QKI: variants seen among roughly 807,000 people sequenced by gnomAD.
The protein encoded by QKI is KH domain-containing RNA-binding protein QKI.
In QKI, 10 loss-of-function variants were observed where a neutral mutation model predicts 39.0. The ratio of observed to expected loss-of-function variants is 0.26; its 90% CI spans 0.16 to 0.43. QKI has a LOEUF of 0.43. Ranked by LOEUF, QKI falls within the 20% of genes least tolerant of loss-of-function variation. The pLI is 1.00. For missense variants in QKI, 218 were observed against 428.0 expected (o/e 0.51, Z 4.33); for synonymous variants, 204 against 155.4 (o/e 1.31, Z -2.33).
intron 4 of QKI, among the ~76,000 whole-genome samples, chr6:163,554,259 G>A (rs1273400041): frequency 3.9e-5 from 6 of 152,294 alleles, no homozygotes; most frequent in East Asian, 1.9e-4. Context: ...ATAGCTGAAA[G>A]GAGCGCACAT....
chr6:163,454,741 A>T (rs555175365), intron 1 of QKI, among the ~76,000 whole-genome samples: 63 of 152,276 alleles, frequency 4.1e-4, no homozygotes, highest in African/African-American at 1.5e-3. Context: ...TAACCATTAA[A>T]TTTGTATATG....
In QKI at chr6:163,486,759, CGTATG is replaced by C. The variant is rs566189792; in HGVS notation, c.402+7868_402+7872del. Among the ~76,000 whole-genome samples, 207 of 152,216 alleles carry C rather than the reference CGTATG, an allele frequency of 1.4e-3. 1 individual carries two copies. The highest frequency in any genetic ancestry group is 2.6e-3 in the Non-Finnish European group (176 of 68,014). ...CTTCATGCAGTTATGCATATGTACA[CGTATG>C]GTATATTAAGTGGATCATATTATAT... is the stretch of plus-strand genomic sequence containing the variant. On this transcript the variant is annotated intron_variant, in intron 3 of 7. Transcript: ENST00000361752.
At chr6:163,533,430 A>AG (rs2128240857) in intron 3 of QKI, among the ~76,000 whole-genome samples, 1 of 152,336 alleles carries the variant, frequency 6.6e-6, no homozygotes, top group African/African-American at 2.4e-5. Context: ...AACAGACTAT[A>AG]CATTTTATTT....
At chr6:163,516,258 C>CT (rs1779791363) in intron 3 of QKI, among the ~76,000 whole-genome samples, 1 of 151,970 alleles carries the variant, frequency 6.6e-6, no homozygotes, top group African/African-American at 2.4e-5. Flanking sequence ...ATTATGGGGC[C>CT]TTTTTTGGGA....
intron 1 of QKI, among the ~76,000 whole-genome samples, chr6:163,446,902 C>G (rs1374292277): frequency 6.6e-6 from 1 of 152,106 alleles, no homozygotes; most frequent in African/African-American, 2.4e-5. Flanking sequence ...GGAACCTAGA[C>G]CTGGAGTTCA....
At chr6:163,470,227 A>G (rs1343738760) in intron 2 of QKI, among the ~76,000 whole-genome samples, 1 of 152,134 alleles carries the variant, frequency 6.6e-6, no homozygotes, top group Non-Finnish European at 1.5e-5. Context: ...TTTGGAGTCT[A>G]TAATTTGTCT....
rs546098227 is a variant in QKI at position 163,577,958 on chromosome 6, C to T, written c.*7248C>T. On this transcript the variant is annotated 3_prime_UTR_variant, in exon 8 of 8. Coordinates refer to ENST00000361752, the MANE Select transcript of QKI (RefSeq NM_006775.3). ...TTAGAAAGCAGTTAAACTAATTGAC[C>T]ATCTAATAGTTGTACTATACATATG... The T allele has an allele frequency of 1.3e-5, 2 of 152,148 alleles. No individual in the cohort carries two copies. Among genetic ancestry groups the T allele is most frequent in the East Asian group, 1.9e-4 (1 of 5,174 alleles). The allele number at this position is 152,148 out of a possible 1,614,324, so 9.4% of individuals were successfully genotyped here.
intron 1 of QKI, among the ~76,000 whole-genome samples, chr6:163,450,954 G>C (rs548736028): frequency 7.7e-4 from 117 of 152,314 alleles, no homozygotes; most frequent in Non-Finnish European, 1.4e-3. Context: ...AGATAAAGAT[G>C]TGCCTGTATT....
intron 7 of QKI, chr6:163,569,917 T>C (rs1000317448): frequency 1.3e-5 from 13 of 987,006 alleles, no homozygotes; most frequent in Admixed American, 6.1e-5. Flanking sequence ...GATTTTACAG[T>C]GTTTACATGC....
In QKI at chr6:163,478,772, T is replaced by TTC; in HGVS notation, c.286-7_286-6insCT. On this transcript the variant is annotated splice_region_variant and splice_polypyrimidine_tract_variant and intron_variant, in intron 2 of 7. Coordinates refer to ENST00000361752, the MANE Select transcript of QKI (RefSeq NM_006775.3). ...TAATGTATAGTGATCCTTTTTTTTT[T>TTC]TTCTCAGTTTAATTTTGTTGGGAGA... The TTC allele has an allele frequency of 6.4e-7, 1 of 1,566,828 alleles. No individual in the cohort carries two copies.
At chr6:163,514,389 T>C (rs1003800178) in intron 3 of QKI, among the ~76,000 whole-genome samples, 9 of 152,154 alleles carry the variant, frequency 5.9e-5, no homozygotes, top group Non-Finnish European at 1.2e-4. Context: ...CTTAAAGATA[T>C]GTATTTTCAA....
chr6:163,575,748 G>T lies in QKI; in HGVS notation c.*5038G>T, dbSNP rs1583246042. ...ATTTTTTAGTGTGCCAAAAGCAAAC[G>T]ATAGGTTTAAATGAAATTGCTCACT... is the stretch of plus-strand genomic sequence containing the variant. On this transcript the variant is annotated 3_prime_UTR_variant, in exon 8 of 8. Transcript: ENST00000361752. 2.0e-5 allele frequency: 3 copies of T among 152,078 alleles called. No homozygotes were observed. In the East Asian group the frequency reaches 5.8e-4, roughly 29 times the overall value. The allele number at this position is 152,078 out of a possible 1,614,324, so 9.4% of individuals were successfully genotyped here.
At chr6:163,499,400 T>C (rs1228878726) in intron 3 of QKI, among the ~76,000 whole-genome samples, 4 of 152,148 alleles carry the variant, frequency 2.6e-5, no homozygotes, top group Non-Finnish European at 5.9e-5. Flanking sequence ...CATTGACTCA[T>C]CACTTTTGAG....
At position 163,478,864 on chromosome 6, in the gene QKI, C is replaced by T; in HGVS notation, c.370C>T (p.Arg124Ter). 1 of 1,612,104 alleles carries T rather than the reference C, an allele frequency of 6.2e-7. No homozygotes were observed. Among genetic ancestry groups the T allele is most frequent in the African/African-American group, 1.3e-5 (1 of 74,558 alleles). The change falls in exon 3 of 8, where the codon CGA becomes TGA. Residue 124 changes from arginine to a stop codon, truncating the protein, a stop_gained. Transcript: ENST00000361752. LOFTEE classifies it high-confidence loss of function. ...AGAAACCGGATGTAAAATCATGGTC[C>T]GAGGCAAAGGCTCAATGAGGGATAA... ...EAETGCKIMV[R>*]GKGSMRDKKK... is the part of the protein sequence containing the mutation.
At chr6:163,481,335 G>A (rs562004170) in intron 3 of QKI, among the ~76,000 whole-genome samples, 3 of 151,986 alleles carry the variant, frequency 2.0e-5, no homozygotes, top group Non-Finnish European at 2.9e-5. Context: ...AAAATGCTAC[G>A]ATGGGAATGG....
intron 3 of QKI, among the ~76,000 whole-genome samples, chr6:163,519,236 AG>A: frequency 6.6e-6 from 1 of 152,166 alleles, no homozygotes; most frequent in African/African-American, 2.4e-5. Flanking sequence ...CCTAACCTTC[AG>A]TAGCACATAG....
intron 1 of QKI, among the ~76,000 whole-genome samples, chr6:163,442,457 G>A (rs188427666): frequency 6.6e-6 from 1 of 152,294 alleles, no homozygotes; most frequent in East Asian, 1.9e-4. Flanking sequence ...ATCTCACTTG[G>A]ATTTCAGCAG....
Position 163,415,093 on chromosome 6 carries a change from G to A in QKI, c.-101G>A, listed in dbSNP as rs1447721053. 3.4e-5 allele frequency: 34 copies of A among 1,006,144 alleles called. No individual in the cohort carries two copies. Among genetic ancestry groups the A allele is most frequent in the Non-Finnish European group, 4.0e-5 (34 of 840,088 alleles). 62.3% of individuals were successfully genotyped at this position (1,006,144 alleles called of 1,614,324 possible). On this transcript the variant is annotated 5_prime_UTR_variant, in exon 1 of 8. Transcript: ENST00000361752. ...GGGAGCCGGCGCGGAGCGGGACGCCGGGTCCCGAGCGGCCCGCGGCCGGGG... is the reference window on the plus strand; with the variant it reads ...GGGAGCCGGCGCGGAGCGGGACGCCAGGTCCCGAGCGGCCCGCGGCCGGGG...
intron 4 of QKI, among the ~76,000 whole-genome samples, chr6:163,550,417 G>A (rs1318265810): frequency 1.3e-5 from 2 of 152,124 alleles, no homozygotes; most frequent in East Asian, 1.9e-4. Context: ...AGTTTTGGAG[G>A]GGACATTTAA....
Sources: gnomAD v4.1 joint callset for allele counts (sites outside exome capture counted in the v4.1 genomes callset) on GRCh38, gnomAD v4.1.1 for gene constraint, MANE v1.5 for transcripts, NCBI Gene and HGNC (gene_info 2026-07-23, HGNC 2026-07-21) for gene names.